Variants in IMPG2 observed in about 807,000 individuals in gnomAD.
IMPG2 encodes the protein interphotoreceptor matrix proteoglycan 2.
IMPG2 carries 91 observed loss-of-function variants against 129.2 expected under a neutral mutation model. The observed-to-expected ratio is 0.70, with a 90% CI of 0.59 to 0.84. IMPG2 has a LOEUF of 0.84. Among genes scored for constraint, IMPG2 ranks in the 40% least tolerant of loss-of-function variants. The probability of loss-of-function intolerance (pLI) is 0.00; values close to 1 mark genes in which losing one functional copy is unlikely to be tolerated. For synonymous variants in IMPG2, 510 were observed against 517.7 expected (o/e 0.99, Z 0.20); for missense variants, 1,430 against 1,461.7 (o/e 0.98, Z 0.35).
At chr3:101,276,524 TGA>T in intron 5 of IMPG2, 138 bp downstream of exon 5, 1 of 660,886 alleles carries the variant, frequency 1.5e-6, no homozygotes, top group Non-Finnish European at 2.7e-6. Context: ...TACTTTTTCT[TGA>T]GACTCTTGAA....
At chr3:101,245,707 A>T in intron 12 of IMPG2, 95 bp downstream of exon 12, 2 of 1,124,884 alleles carry the variant, frequency 1.8e-6, no homozygotes, top group Non-Finnish European at 2.7e-6. Context: ...AATGAATGCT[A>T]CCATGTTTTT....
At chr3:101,291,301 G>T (rs1707006886) in intron 4 of IMPG2, among the ~76,000 whole-genome samples, 178 bp downstream of exon 4, 1 of 152,184 alleles carries the variant, frequency 6.6e-6, no homozygotes, top group Non-Finnish European at 1.5e-5. Context: ...TGTGGTCATG[G>T]TCTGAAAAGA....
chr3:101,304,488 T>C (rs1210939831), intron 2 of IMPG2, among the ~76,000 whole-genome samples, 176 bp from the exon 3 acceptor site: 1 of 152,172 alleles, frequency 6.6e-6, no homozygotes, highest in East Asian at 1.9e-4. Context: ...AAACTTTTCA[T>C]TTCTGAAGAG....
At chr3:101,262,780 A>AC (rs1442414886) in intron 9 of IMPG2, among the ~76,000 whole-genome samples, 1 of 151,816 alleles carries the variant, frequency 6.6e-6, no homozygotes, top group East Asian at 1.9e-4. Flanking sequence ...CAAAAAAAAA[A>AC]AAACAAACTA....
rs937586760 is a variant in IMPG2, at chr3:101,224,590, A to T, written c.*2379T>A. ...TTTTAGAAAGAAGCTCTTTAGGGGTAGTTTTTTCCATCAAACTAATAGCTC... is the reference window on the plus strand; with the variant it reads ...TTTTAGAAAGAAGCTCTTTAGGGGTTGTTTTTTCCATCAAACTAATAGCTC... On this transcript the variant is annotated 3_prime_UTR_variant, in exon 19 of 19. Coordinates refer to ENST00000193391, the MANE Select transcript of IMPG2 (RefSeq NM_016247.4). 2.6e-5 allele frequency: 4 copies of T among 152,208 alleles called. No homozygotes were observed. Among genetic ancestry groups the T allele is most frequent in the African/African-American group, 9.7e-5 (4 of 41,448 alleles). 9.4% of individuals were successfully genotyped at this position (152,208 alleles called of 1,614,324 possible).
At position 101,257,579 on chromosome 3, in the gene IMPG2, A is replaced by G. The variant is rs1436688562; in HGVS notation, c.1103T>C (p.Leu368Pro). ...IAETLQQNFL[L>P]GNSSLNPDPD... ...ATCTGGATTCAAGGAAGAGTTCCCC[A>G]GCAAAAAATTCTGCTGCAATGTCTC... Residue 368 changes from leucine (L) to proline (P), a missense_variant, in exon 10 of 19, where the codon CTG becomes CCG. Physicochemically the swap from Leu to Pro is moderately conservative, Grantham distance 98. Transcript: ENST00000193391. 2 of 1,613,436 alleles carry G rather than the reference A, an allele frequency of 1.2e-6. No homozygotes were observed. The highest frequency in any genetic ancestry group is 1.1e-5 in the South Asian group (1 of 91,064).
intron 18 of IMPG2, chr3:101,227,790 G>T (rs1706240525): frequency 2.2e-6 from 1 of 456,210 alleles, no homozygotes; most frequent in Non-Finnish European, 4.4e-6. Flanking sequence ...AATTAGAAAA[G>T]CACCTTTCTC....
chr3:101,287,793 A>T (rs516312), intron 4 of IMPG2, among the ~76,000 whole-genome samples: 3 of 151,980 alleles, frequency 2.0e-5, no homozygotes, highest in East Asian at 1.9e-4. Flanking sequence ...AAATTCTAGA[A>T]GAAAACTTAG....
chr3:101,319,211 T>G (rs543875156), intron 2 of IMPG2, among the ~76,000 whole-genome samples: 5 of 152,134 alleles, frequency 3.3e-5, no homozygotes, highest in Admixed American at 6.6e-5. Context: ...ATTTCCTCTC[T>G]GAATATGTTG....
rs1355961678 is a variant in IMPG2, at chr3:101,243,747, C to A, written c.2584G>T (p.Val862Phe). The A allele has an allele frequency of 1.2e-6, 2 of 1,613,660 alleles. No homozygotes were observed. Among genetic ancestry groups the A allele is most frequent in the Non-Finnish European group, 1.7e-6 (2 of 1,179,726 alleles). ...PEQVQEQNGK[V>F]GSYVEMSTSV... ...GTTGACATTTCCACATAACTACCAACCTTGCCATTTTGCTCTTGGACTTGC... is the reference window on the plus strand; with the variant it reads ...GTTGACATTTCCACATAACTACCAAACTTGCCATTTTGCTCTTGGACTTGC... Residue 862 changes from valine to phenylalanine, a missense_variant, in exon 13 of 19, where the codon GTT becomes TTT. Physicochemically the swap from Val to Phe is conservative, Grantham distance 50. Coordinates refer to ENST00000193391, the MANE Select transcript of IMPG2 (RefSeq NM_016247.4).
chr3:101,316,308 A>T (rs1488305481), intron 2 of IMPG2, among the ~76,000 whole-genome samples: 1 of 152,040 alleles, frequency 6.6e-6, no homozygotes, highest in Non-Finnish European at 1.5e-5. Flanking sequence ...TCATCAAGAA[A>T]ATAGAAAAGG....
At chr3:101,280,546 A>T (rs952820391) in intron 4 of IMPG2, among the ~76,000 whole-genome samples, 2 of 152,208 alleles carry the variant, frequency 1.3e-5, no homozygotes, top group African/African-American at 2.4e-5. Flanking sequence ...AAAATATTAT[A>T]TGCAGAAGCA....
chr3:101,250,558 A>G (rs1706532913), intron 11 of IMPG2, among the ~76,000 whole-genome samples: 1 of 152,212 alleles, frequency 6.6e-6, no homozygotes, highest in Admixed American at 6.5e-5. Context: ...GGACACACAA[A>G]AAAAGAGAAA....
intron 3 of IMPG2, among the ~76,000 whole-genome samples, chr3:101,299,842 G>A (rs1576768609): frequency 6.6e-6 from 1 of 152,080 alleles, no homozygotes; most frequent in African/African-American, 2.4e-5. Context: ...TACTGTATAG[G>A]GTGTCTGACA....
rs1234532544 is a variant in IMPG2, at chr3:101,224,459, T to C, written c.*2510A>G. The C allele has an allele frequency of 1.3e-5, 2 of 152,236 alleles. No homozygotes were observed. The highest frequency in any genetic ancestry group is 1.9e-4 in the East Asian group (1 of 5,198). 9.4% of individuals were successfully genotyped at this position (152,236 alleles called of 1,614,324 possible). On this transcript the variant is annotated 3_prime_UTR_variant, in exon 19 of 19. Coordinates refer to ENST00000193391, the MANE Select transcript of IMPG2 (RefSeq NM_016247.4). ...TTATATTGCTAGGTTAAGAAGAACG[T>C]TCTAATACTCAGAAAATTTCATTCC... is the stretch of plus-strand genomic sequence containing the variant.
At chr3:101,290,868 A>G (rs911292979) in intron 4 of IMPG2, among the ~76,000 whole-genome samples, 10 of 152,106 alleles carry the variant, frequency 6.6e-5, no homozygotes, top group African/African-American at 2.4e-4. Context: ...GTACCTTCCT[A>G]TATAACTACC....
intron 10 of IMPG2, among the ~76,000 whole-genome samples, chr3:101,256,217 G>GAACGAACGAACA: frequency 7.2e-6 from 1 of 138,276 alleles, no homozygotes; most frequent in African/African-American, 2.7e-5. Flanking sequence ...AAGAAAGAAA[G>GAACGAACGAACA]AAAAAAATAT....
chr3:101,293,400 T>A (rs1028691286), intron 3 of IMPG2, among the ~76,000 whole-genome samples: 16 of 151,884 alleles, frequency 1.1e-4, no homozygotes, highest in African/African-American at 2.2e-4. Flanking sequence ...AAAAAAAAAA[T>A]TTTCTGAGCA....
chr3:101,265,899 T>C (rs568677453), intron 9 of IMPG2, among the ~76,000 whole-genome samples: 2 of 152,220 alleles, frequency 1.3e-5, no homozygotes, highest in Admixed American at 6.5e-5. Context: ...ATGATATGAA[T>C]AGACATTTCT....
Sources: gnomAD v4.1 joint callset for allele counts (sites outside exome capture counted in the v4.1 genomes callset) on GRCh38, gnomAD v4.1.1 for gene constraint, MANE v1.5 for transcripts, NCBI Gene and HGNC (gene_info 2026-07-23, HGNC 2026-07-21) for gene names.